PRKG1: variants seen among roughly 807,000 people sequenced by gnomAD.
PRKG1 encodes protein kinase cGMP-dependent 1.
A neutral mutation model predicts 88.1 loss-of-function variants in PRKG1; 35 were observed. The observed-to-expected ratio is 0.40, with a 90% CI of 0.30 to 0.53. The LOEUF is 0.53. Among genes scored for constraint, PRKG1 ranks in the 20% least tolerant of loss-of-function variants. The pLI, the probability that PRKG1 is intolerant of heterozygous loss-of-function variation, is 0.59. For missense variants in PRKG1, 540 were observed against 839.8 expected (o/e 0.64, Z 4.41); for synonymous variants, 303 against 292.5 (o/e 1.04, Z -0.37).
intron 3 of PRKG1, among the ~76,000 whole-genome samples, chr10:51,635,558 G>C (rs1839637067): frequency 6.6e-6 from 1 of 152,024 alleles, no homozygotes; most frequent in African/African-American, 2.4e-5. Flanking sequence ...GACCATACTT[G>C]GGTGTTGATT....
chr10:51,118,402 G>A (rs1166182858), intron 1 of PRKG1, among the ~76,000 whole-genome samples: 1 of 152,084 alleles, frequency 6.6e-6, no homozygotes, highest in Non-Finnish European at 1.5e-5. Context: ...CTTTAAAAAA[G>A]ACAGTTAAAA....
At chr10:51,593,052 C>T (rs921597962) in intron 3 of PRKG1, among the ~76,000 whole-genome samples, 23 of 152,136 alleles carry the variant, frequency 1.5e-4, no homozygotes, top group Admixed American at 4.6e-4. Context: ...ATCAGATTAG[C>T]GTTTTGTACT....
chr10:52,159,558 T>C (rs1838225083), intron 8 of PRKG1, among the ~76,000 whole-genome samples: 1 of 151,740 alleles, frequency 6.6e-6, no homozygotes, highest in African/African-American at 2.4e-5. Flanking sequence ...GCTTTTCCAT[T>C]TATTATATTT....
rs115754647 is a variant in PRKG1 at position 51,956,656 on chromosome 10, A to G, written c.762+49086A>G. On this transcript the variant is annotated intron_variant, in intron 5 of 17. Transcript: ENST00000373980. The stretch of plus-strand genomic sequence containing the variant: ...TTGAGTTACCAGTTGTTTTATTTGA[A>G]ACTACGACAACCAATACATAAATGA... Among the ~76,000 whole-genome samples the G allele has an allele frequency of 4.3e-3, 651 of 152,248 alleles. 6 individuals carry two copies. The highest frequency in any genetic ancestry group is 0.015 in the African/African-American group (621 of 41,558).
intron 3 of PRKG1, among the ~76,000 whole-genome samples, chr10:51,546,258 A>G (rs1842442460): frequency 1.3e-5 from 2 of 152,122 alleles, no homozygotes; most frequent in Non-Finnish European, 2.9e-5. Context: ...TATGCGGTAA[A>G]TATAAGCACA....
intron 2 of PRKG1, among the ~76,000 whole-genome samples, chr10:51,457,285 A>T (rs1839610890): frequency 6.6e-6 from 1 of 152,202 alleles, no homozygotes; most frequent in Non-Finnish European, 1.5e-5. Flanking sequence ...AGCAACCTGG[A>T]TGGAGTTGGA....
chr10:51,695,217 C>G (rs1426704696), intron 3 of PRKG1, among the ~76,000 whole-genome samples: 1 of 152,146 alleles, frequency 6.6e-6, no homozygotes, highest in Admixed American at 6.6e-5. Flanking sequence ...TATTGAAATA[C>G]AGAGGAATTC....
chr10:51,512,132 G>A (rs767631659), intron 3 of PRKG1, among the ~76,000 whole-genome samples: 6 of 150,966 alleles, frequency 4.0e-5, no homozygotes, highest in East Asian at 1.9e-4. Flanking sequence ...GGTGGTGGTA[G>A]GACTGTGAGG....
At chr10:51,915,655 T>A (rs932478631) in intron 5 of PRKG1, among the ~76,000 whole-genome samples, 3 of 152,158 alleles carry the variant, frequency 2.0e-5, no homozygotes, top group African/African-American at 7.2e-5. Context: ...TCTCCACGTC[T>A]TATTTACAAA....
intron 3 of PRKG1, among the ~76,000 whole-genome samples, chr10:51,615,267 C>T (rs1839019462): frequency 6.6e-6 from 1 of 151,894 alleles, no homozygotes; most frequent in South Asian, 2.1e-4. Flanking sequence ...AGAATAATTC[C>T]TTTGTCTTTG....
At chr10:51,548,993 G>T (rs1410860639) in intron 3 of PRKG1, among the ~76,000 whole-genome samples, 33 of 151,828 alleles carry the variant, frequency 2.2e-4, no homozygotes, top group Admixed American at 2.2e-3. Flanking sequence ...TTTCACTCAA[G>T]AATATGGTTA....
chr10:51,023,646 C>G (rs1302456734), intron 1 of PRKG1, among the ~76,000 whole-genome samples: 11 of 152,126 alleles, frequency 7.2e-5, no homozygotes, highest in Admixed American at 2.0e-4. Context: ...ACTTAAAGCA[C>G]ACAAAAAGCA....
chr10:51,218,531 AAAATG>A (rs1838436495), intron 2 of PRKG1, among the ~76,000 whole-genome samples: 4 of 53,252 alleles, frequency 7.5e-5, no homozygotes, highest in Non-Finnish European at 1.2e-4. Flanking sequence ...ATATATATAT[AAAATG>A]TGTGTATTTG....
At chr10:51,661,682 G>A (rs1314602164) in intron 3 of PRKG1, among the ~76,000 whole-genome samples, 1 of 152,118 alleles carries the variant, frequency 6.6e-6, no homozygotes, top group African/African-American at 2.4e-5. Context: ...AATTCCTCAA[G>A]GATCTAGAAC....
chr10:51,334,152 T>TTCTCTC (rs10568175), intron 2 of PRKG1, among the ~76,000 whole-genome samples: 2,812 of 137,054 alleles, frequency 0.021, 41 homozygotes, highest in Admixed American at 0.031. Flanking sequence ...CTCTCTCTCT[T>TTCTCTC]TCTCTCTCTC....
chr10:52,133,014 A>G (rs1167606574), intron 7 of PRKG1, among the ~76,000 whole-genome samples: 1 of 142,466 alleles, frequency 7.0e-6, no homozygotes, highest in Non-Finnish European at 1.5e-5. Flanking sequence ...TATCGTCATC[A>G]TATTGTACTA....
intron 2 of PRKG1, among the ~76,000 whole-genome samples, chr10:51,416,257 C>G (rs1044985063): frequency 1.3e-5 from 2 of 152,124 alleles, no homozygotes; most frequent in African/African-American, 4.8e-5. Flanking sequence ...ATCATTTTAT[C>G]ATGGTGAAAA....
chr10:52,054,664 T>A (rs1226259148), intron 6 of PRKG1, 103 bp downstream of exon 6: 2 of 981,974 alleles, frequency 2.0e-6, no homozygotes, highest in African/African-American at 1.6e-5. Context: ...ATGAGTTTGT[T>A]CCATTTTTTG....
intron 3 of PRKG1, among the ~76,000 whole-genome samples, chr10:51,482,162 T>A (rs997066460): frequency 1.3e-5 from 2 of 152,130 alleles, no homozygotes; most frequent in Non-Finnish European, 2.9e-5. Flanking sequence ...ACTACTCACC[T>A]CCACAGACTG....
Sources: allele counts gnomAD v4.1 joint callset (sites outside exome capture counted in the v4.1 genomes callset), GRCh38; gene constraint gnomAD v4.1.1; transcripts MANE v1.5; gene names NCBI Gene and HGNC (gene_info 2026-07-23, HGNC 2026-07-21).